Variants in HTR2C observed in about 807,000 individuals in gnomAD.
HTR2C encodes 5-hydroxytryptamine (serotonin) receptor 2C, G protein-coupled.
In HTR2C, 5 loss-of-function variants were observed where a neutral mutation model predicts 21.0. That is an observed-to-expected ratio of 0.24 (90% CI 0.12 to 0.50). The LOEUF is 0.50. Among genes scored for constraint, HTR2C ranks in the 20% least tolerant of loss-of-function variants. HTR2C has a pLI of 0.98. For synonymous variants in HTR2C, 150 were observed against 145.3 expected (o/e 1.03, Z -0.23); for missense variants, 271 against 371.2 (o/e 0.73, Z 2.22).
At chrX:114,675,127 A>T (rs1556412315) in intron 2 of HTR2C, among the ~76,000 whole-genome samples, 1 of 112,169 alleles carries the variant, frequency 8.9e-6, no homozygotes, top group East Asian at 2.8e-4. Context: ...TAGATGTATT[A>T]TTAAAAATCT....
intron 2 of HTR2C, among the ~76,000 whole-genome samples, chrX:114,703,914 GA>G (rs1490871567): frequency 9.1e-6 from 1 of 109,798 alleles, no homozygotes; most frequent in Non-Finnish European, 1.9e-5. Flanking sequence ...ACTACCATCA[GA>G]GAATACTACA....
At chrX:114,872,966 A>G in intron 5 of HTR2C, among the ~76,000 whole-genome samples, 1 of 111,793 alleles carries the variant, frequency 8.9e-6, no homozygotes. Context: ...AATTTCTACT[A>G]TTTGGAAAAG....
At chrX:114,903,953 G>A (rs1420950235) in intron 5 of HTR2C, among the ~76,000 whole-genome samples, 1 of 111,783 alleles carries the variant, frequency 8.9e-6, no homozygotes, top group Non-Finnish European at 1.9e-5. Flanking sequence ...TATTGCTTTT[G>A]CTGTAAGGAA....
chrX:114,638,447 A>C (rs1427402057), intron 2 of HTR2C, among the ~76,000 whole-genome samples: 1 of 111,168 alleles, frequency 9.0e-6, no homozygotes, highest in Non-Finnish European at 1.9e-5. Context: ...GTACAATTTT[A>C]AACCTTCTTA....
At chrX:114,776,043 G>T in intron 4 of HTR2C, 1 of 440,050 alleles carries the variant, frequency 2.3e-6, no homozygotes, top group Non-Finnish European at 4.0e-6. Context: ...TTATACTTAT[G>T]CTTGAACTCA....
At chrX:114,730,295 T>A (rs1252549068) in intron 3 of HTR2C, among the ~76,000 whole-genome samples, 1 of 111,970 alleles carries the variant, frequency 8.9e-6, no homozygotes, top group African/African-American at 3.2e-5. Context: ...TGGCCTGAAA[T>A]TCCTACTGGT....
At chrX:114,801,538 G>C (rs1378132623) in intron 4 of HTR2C, among the ~76,000 whole-genome samples, 3 of 111,301 alleles carry the variant, frequency 2.7e-5, no homozygotes, top group African/African-American at 9.8e-5. Flanking sequence ...TAGAATTTGA[G>C]CATTTGGGGA....
chrX:114,719,950 T>G (rs1933132379), intron 2 of HTR2C, among the ~76,000 whole-genome samples: 1 of 111,858 alleles, frequency 8.9e-6, no homozygotes, highest in African/African-American at 3.2e-5. Context: ...CCTTTAAAAA[T>G]TATACTAATA....
intron 4 of HTR2C, among the ~76,000 whole-genome samples, chrX:114,789,773 G>A (rs1174270869): frequency 9.0e-6 from 1 of 111,114 alleles, no homozygotes; most frequent in Non-Finnish European, 1.9e-5. Flanking sequence ...TTAAAATGGG[G>A]ATGATCATAG....
chrX:114,644,398 T>A (rs1453353409), intron 2 of HTR2C, among the ~76,000 whole-genome samples: 1 of 83,552 alleles, frequency 1.2e-5, no homozygotes, highest in Non-Finnish European at 2.3e-5. Flanking sequence ...TATATATATA[T>A]ATATATATAT....
chrX:114,608,592 G>A (rs1298055796), intron 1 of HTR2C, among the ~76,000 whole-genome samples: 1 of 111,685 alleles, frequency 9.0e-6, no homozygotes. Flanking sequence ...AGGCAATAGG[G>A]TCTTGATTTA....
At chrX:114,879,542 G>A (rs782019804) in intron 5 of HTR2C, among the ~76,000 whole-genome samples, 1 of 109,478 alleles carries the variant, frequency 9.1e-6, no homozygotes, top group Admixed American at 9.8e-5. Flanking sequence ...GTGAGATTTT[G>A]GTGCACCCAT....
chrX:114,610,131 CCTT>C (rs1928660258), intron 1 of HTR2C, among the ~76,000 whole-genome samples: 3 of 112,019 alleles, frequency 2.7e-5, no homozygotes, highest in Non-Finnish European at 5.6e-5. Flanking sequence ...AAGACAACCT[CCTT>C]CTTTTTAAAT....
At chrX:114,876,422 C>CTTTTTTTTTTTTTTTTTTTT (rs60498146) in intron 5 of HTR2C, among the ~76,000 whole-genome samples, 10 of 62,395 alleles carry the variant, frequency 1.6e-4, no homozygotes, top group Admixed American at 2.4e-4. Flanking sequence ...CTTTTTCTTT[C>CTTTTTTTTTTTTTTTTTTTT]TTTTTTTTTT....
chrX:114,815,799 T>C (rs1472393440), intron 4 of HTR2C, among the ~76,000 whole-genome samples: 1 of 108,054 alleles, frequency 9.3e-6, no homozygotes, highest in African/African-American at 3.3e-5. Context: ...ATGACTTTTA[T>C]GGCTACTCTT....
At chrX:114,894,515 A>C (rs1602923267) in intron 5 of HTR2C, among the ~76,000 whole-genome samples, 1 of 110,343 alleles carries the variant, frequency 9.1e-6, no homozygotes, top group African/African-American at 3.3e-5. Flanking sequence ...CTAGATAAGA[A>C]GATAAGAAAA....
chrX:114,740,002 G>C (rs1250243729), intron 4 of HTR2C, among the ~76,000 whole-genome samples: 1 of 109,500 alleles, frequency 9.1e-6, no homozygotes, highest in Non-Finnish European at 1.9e-5. Context: ...TCAGCTACTT[G>C]GGAGGCTGAG....
intron 4 of HTR2C, among the ~76,000 whole-genome samples, chrX:114,834,513 A>G (rs782750128): frequency 9.0e-6 from 1 of 111,072 alleles, no homozygotes; most frequent in Non-Finnish European, 1.9e-5. Context: ...ATCAGAGACT[A>G]GGATTGCAAC....
intron 4 of HTR2C, among the ~76,000 whole-genome samples, chrX:114,738,300 A>G (rs1016971935): frequency 8.9e-6 from 1 of 111,938 alleles, no homozygotes; most frequent in African/African-American, 3.2e-5. Flanking sequence ...AAAAAAATGT[A>G]TGTTAGGTGG....
Sources: gnomAD v4.1 joint callset for allele counts (sites outside exome capture counted in the v4.1 genomes callset) on GRCh38, gnomAD v4.1.1 for gene constraint, MANE v1.5 for transcripts, NCBI Gene and HGNC (gene_info 2026-07-23, HGNC 2026-07-21) for gene names.